Variants in ITPR1 observed in about 807,000 individuals in gnomAD.
ITPR1 encodes the protein inositol 1,4,5-trisphosphate receptor type 1.
ITPR1 carries 96 observed loss-of-function variants against 318.4 expected under a neutral mutation model. The observed-to-expected ratio is 0.30, with a 90% CI of 0.26 to 0.36. ITPR1 has a LOEUF of 0.36. ITPR1 is among the 10% of genes least tolerant of loss of function. The pLI is 1.00. For missense variants in ITPR1, 2,440 were observed against 3,460.2 expected (o/e 0.71, Z 7.40); for synonymous variants, 1,312 against 1,289.9 (o/e 1.02, Z -0.37).
intron 4 of ITPR1, among the ~76,000 whole-genome samples, chr3:4,585,008 T>C (rs772008291): frequency 1.2e-4 from 18 of 152,098 alleles, no homozygotes; most frequent in African/African-American, 4.1e-4. Context: ...ACTGTCAGAG[T>C]GTATTACTGG....
In ITPR1 at chr3:4,667,255, T is replaced by C. The variant is rs151071505; in HGVS notation, c.1714-122T>C. On this transcript the variant is annotated intron_variant, in intron 17 of 61. Transcript: ENST00000649015. ...AAAGTTGTAGGAAGACCCTCCCTTA[T>C]ACTGTAATGTCTCTTAGGGGCAGTA... The C allele has an allele frequency of 1.5e-3, 1,036 of 669,026 alleles. 20 individuals carry two copies. In the East Asian group the frequency reaches 0.027, roughly 17 times the overall value. The allele number at this position is 669,026 out of a possible 1,614,324, so 41.4% of individuals were successfully genotyped here.
At chr3:4,734,622 A>G (rs963860475) in intron 43 of ITPR1, among the ~76,000 whole-genome samples, 2 of 152,244 alleles carry the variant, frequency 1.3e-5, no homozygotes, top group African/African-American at 2.4e-5. Flanking sequence ...CTTCTTAAGT[A>G]TATTCATCTC....
At chr3:4,757,901 C>T (rs370679581) in intron 44 of ITPR1, among the ~76,000 whole-genome samples, 115 of 152,274 alleles carry the variant, frequency 7.6e-4, no homozygotes, top group African/African-American at 2.7e-3. Flanking sequence ...GTTGCTCTGT[C>T]ACCCACAGAG....
At chr3:4,604,552 C>G (rs2091553108) in intron 4 of ITPR1, among the ~76,000 whole-genome samples, 1 of 152,072 alleles carries the variant, frequency 6.6e-6, no homozygotes, top group Admixed American at 6.5e-5. Context: ...CAATGACAAG[C>G]AATGTAAAGG....
At chr3:4,814,250 G>C in intron 57 of ITPR1, 173 bp from the exon 58 acceptor site, 1 of 684,620 alleles carries the variant, frequency 1.5e-6, no homozygotes, top group Non-Finnish European at 2.5e-6. Context: ...GAAAACAGTT[G>C]CCCCAGACGA....
intron 5 of ITPR1, among the ~76,000 whole-genome samples, chr3:4,631,723 G>A (rs1273657024): frequency 7.9e-5 from 12 of 152,026 alleles, no homozygotes; most frequent in African/African-American, 9.7e-5. Context: ...GTACTTGCAC[G>A]TTTGGAAAAT....
At chr3:4,690,737 A>C (rs2094467686) in intron 31 of ITPR1, among the ~76,000 whole-genome samples, 1 of 152,254 alleles carries the variant, frequency 6.6e-6, no homozygotes, top group Non-Finnish European at 1.5e-5. Context: ...AGATACTGTC[A>C]TATATTCATG....
intron 2 of ITPR1, among the ~76,000 whole-genome samples, chr3:4,498,212 G>A (rs1322038685): frequency 1.3e-5 from 2 of 152,188 alleles, no homozygotes; most frequent in Admixed American, 6.5e-5. Context: ...ATATTTTACA[G>A]TAATTTTAAA....
rs942159726 is a variant in ITPR1 at position 4,676,654 on chromosome 3, G to C, written c.2820G>C (p.Leu940=). ...VMRSIHGVGE[L]MTQVVLRGGG... ...GATCTATTCATGGCGTGGGAGAGCTGATGACCCAGGTGGTGCTCCGGGGAG... is the reference window on the plus strand; with the variant it reads ...GATCTATTCATGGCGTGGGAGAGCTCATGACCCAGGTGGTGCTCCGGGGAG... The change falls in exon 24 of 62, where the codon CTG becomes CTC. Residue 940 remains leucine (L), a synonymous_variant. Coordinates refer to ENST00000649015, the MANE Select transcript of ITPR1 (RefSeq NM_001378452.1). 2 of 1,613,776 alleles carry C rather than the reference G, an allele frequency of 1.2e-6. No homozygotes were observed. Among genetic ancestry groups the C allele is most frequent in the Non-Finnish European group, 1.7e-6 (2 of 1,179,780 alleles).
At chr3:4,806,688 T>C (rs1002415961) in intron 55 of ITPR1, among the ~76,000 whole-genome samples, 2 of 151,928 alleles carry the variant, frequency 1.3e-5, no homozygotes, top group African/African-American at 4.8e-5. Flanking sequence ...ACCATAAGAG[T>C]AGGAGCTAGT....
At chr3:4,813,273 A>T (rs2049058632) in intron 57 of ITPR1, 39 bp downstream of exon 57, 1 of 1,425,272 alleles carries the variant, frequency 7.0e-7, no homozygotes, top group Non-Finnish European at 9.8e-7. Context: ...TTAATATCGG[A>T]CTCCTCCAGA....
intron 4 of ITPR1, among the ~76,000 whole-genome samples, chr3:4,539,863 C>T (rs1363309223): frequency 1.3e-5 from 2 of 151,828 alleles, no homozygotes; most frequent in Non-Finnish European, 2.9e-5. Context: ...GGGCTGTCAC[C>T]AGATGTGGCC....
intron 8 of ITPR1, 65 bp from the exon 9 acceptor site, chr3:4,645,322 T>C: frequency 9.0e-7 from 1 of 1,116,488 alleles, no homozygotes. Context: ...GTGAGAAGTC[T>C]GGGGGCTGGA....
intron 40 of ITPR1, among the ~76,000 whole-genome samples, chr3:4,722,035 C>A (rs1174871522): frequency 6.6e-6 from 1 of 152,140 alleles, no homozygotes; most frequent in African/African-American, 2.4e-5. Flanking sequence ...GTCGCATATG[C>A]ATATATTCAG....
intron 53 of ITPR1, among the ~76,000 whole-genome samples, chr3:4,797,195 G>A (rs898645256): frequency 6.6e-6 from 1 of 151,540 alleles, no homozygotes; most frequent in Non-Finnish European, 1.5e-5. Context: ...TCTAGTAGCT[G>A]ATACTGCCTT....
intron 5 of ITPR1, among the ~76,000 whole-genome samples, chr3:4,633,026 C>G (rs56310584): frequency 0.052 from 7,744 of 149,930 alleles, 258 homozygotes; most frequent in Non-Finnish European, 0.079. Context: ...GCAACCTCCA[C>G]CTCCCGGGTT....
At chr3:4,664,137 A>C (rs1300956536) in intron 16 of ITPR1, among the ~76,000 whole-genome samples, 1 of 152,204 alleles carries the variant, frequency 6.6e-6, no homozygotes, top group African/African-American at 2.4e-5. Context: ...TACATTTGGG[A>C]GATTTGGCAT....
chr3:4,602,803 G>A (rs759964384), intron 4 of ITPR1, among the ~76,000 whole-genome samples: 27 of 152,180 alleles, frequency 1.8e-4, no homozygotes, highest in South Asian at 4.2e-4. Flanking sequence ...AAAATACCGA[G>A]AATTCATAGA....
intron 44 of ITPR1, among the ~76,000 whole-genome samples, chr3:4,758,284 T>C (rs1194807245): frequency 1.3e-5 from 2 of 152,120 alleles, no homozygotes; most frequent in Non-Finnish European, 2.9e-5. Flanking sequence ...TGGAAATGCT[T>C]TTCTTTGAGG....
Sources: allele counts gnomAD v4.1 joint callset (sites outside exome capture counted in the v4.1 genomes callset), GRCh38; gene constraint gnomAD v4.1.1; transcripts MANE v1.5; gene names NCBI Gene and HGNC (gene_info 2026-07-23, HGNC 2026-07-21).